The following KCNQ1 variants were observed in gnomAD, a reference collection of about 807,000 sequenced individuals.
KCNQ1 encodes potassium voltage-gated channel subfamily KQT member 1.
Under a neutral mutation model 72.4 loss-of-function variants are expected in KCNQ1, and 49 were observed. The observed-to-expected ratio is 0.68, with a 90% CI of 0.54 to 0.86. The LOEUF (loss-of-function observed/expected upper bound fraction) is 0.86. Among genes scored for constraint, KCNQ1 ranks in the 40% least tolerant of loss-of-function variants. KCNQ1 has a pLI of 0.00. For missense variants in KCNQ1, 790 were observed against 945.1 expected, an observed-to-expected ratio of 0.84 and a Z score of 2.15; for synonymous variants, 450 against 412.6, an observed-to-expected ratio of 1.09 and a Z score of -1.10.
chr11:2,721,469 G>C (rs1000245936), intron 11 of KCNQ1, among the ~76,000 whole-genome samples: 1 of 152,272 alleles, frequency 6.6e-6, no homozygotes, highest in African/African-American at 2.4e-5. Flanking sequence ...CAGCTCGCAA[G>C]AGGGGCAGGT....
At chr11:2,606,724 A>T (rs1418390823) in intron 10 of KCNQ1, among the ~76,000 whole-genome samples, 2 of 152,096 alleles carry the variant, frequency 1.3e-5, no homozygotes, top group Admixed American at 1.3e-4. Flanking sequence ...ATCTCCAAAT[A>T]GTTCTACTTC....
At chr11:2,791,005 C>T (rs1272180014) in intron 15 of KCNQ1, among the ~76,000 whole-genome samples, 1 of 152,230 alleles carries the variant, frequency 6.6e-6, no homozygotes, top group African/African-American at 2.4e-5. Flanking sequence ...TGGGGTGTTT[C>T]TCTCTTAGCC....
chr11:2,517,790 G>A (rs538403994), intron 1 of KCNQ1, among the ~76,000 whole-genome samples: 5 of 152,320 alleles, frequency 3.3e-5, no homozygotes, highest in African/African-American at 4.8e-5. Flanking sequence ...GCCTGCGCCC[G>A]CAGCTCACGT....
At chr11:2,733,828 T>TCA (rs1845901439) in intron 11 of KCNQ1, among the ~76,000 whole-genome samples, 8 of 29,432 alleles carry the variant, frequency 2.7e-4, no homozygotes, top group Admixed American at 1.1e-3. Context: ...TCTCACTCTC[T>TCA]CTCTCTCTCT....
At chr11:2,501,129 A>G (rs1001336148) in intron 1 of KCNQ1, among the ~76,000 whole-genome samples, 1 of 152,226 alleles carries the variant, frequency 6.6e-6, no homozygotes, top group African/African-American at 2.4e-5. Context: ...CTTAAAGAAC[A>G]AGAAAAGCAA....
At chr11:2,843,743 T>C (rs909924892) in intron 15 of KCNQ1, among the ~76,000 whole-genome samples, 1 of 152,276 alleles carries the variant, frequency 6.6e-6, no homozygotes, top group Admixed American at 6.5e-5. Flanking sequence ...GGAATCCCCG[T>C]TGCCTTGGGT....
chr11:2,844,106 G>A (rs1564914679), intron 15 of KCNQ1, among the ~76,000 whole-genome samples: 2 of 152,288 alleles, frequency 1.3e-5, no homozygotes, highest in Non-Finnish European at 1.5e-5. Flanking sequence ...CTCCTCCATC[G>A]CCAAAAAAAA....
chr11:2,832,652 C>G lies in KCNQ1; in HGVS notation c.1795-15115C>G, dbSNP rs1160341410. Among the ~76,000 whole-genome samples the G allele has an allele frequency of 2.6e-5, 4 of 152,306 alleles. No homozygotes were observed. In the East Asian group the frequency reaches 7.7e-4, roughly 29 times the overall value. ...GCAGGAAGCCCTCCTCAGGTCTGCC[C>G]GCCTCCCCGGAGCATGTTCCCTCTG... On this transcript the variant is annotated intron_variant, in intron 15 of 15. Coordinates refer to ENST00000155840, the MANE Select transcript of KCNQ1 (RefSeq NM_000218.3).
chr11:2,493,472 C>T lies in KCNQ1; in HGVS notation c.387-34456C>T, dbSNP rs182461400. Among the ~76,000 whole-genome samples the T allele has an allele frequency of 6.6e-6, 1 of 152,150 alleles. No individual in the cohort carries two copies. The highest frequency in any genetic ancestry group is 1.9e-4 in the East Asian group (1 of 5,176). On this transcript the variant is annotated intron_variant, in intron 1 of 15. Coordinates refer to ENST00000155840, the MANE Select transcript of KCNQ1 (RefSeq NM_000218.3). This position sits in a 1 kb window ranked among gnomAD's most constrained non-coding sequence, Gnocchi z 5.3. ...TTGCCTGGGTATTCTTCTAGGGTTT[C>T]CGTGGTTTTAGGTTTTACATTTAAG...
At chr11:2,633,409 C>G (rs1342269058) in intron 10 of KCNQ1, 2 of 398,244 alleles carry the variant, frequency 5.0e-6, no homozygotes, top group African/African-American at 4.1e-5. Flanking sequence ...GTTTTTGTTG[C>G]CTGTGCTTAT....
intron 6 of KCNQ1, among the ~76,000 whole-genome samples, chr11:2,583,136 G>A (rs988554948): frequency 9.2e-5 from 14 of 152,228 alleles, no homozygotes; most frequent in African/African-American, 3.1e-4. Context: ...TGAGGCAGCC[G>A]GTGTGGGGCG....
Position 2,549,049 on chromosome 11 carries a change from T to G in KCNQ1, c.477+21031T>G, listed in dbSNP as rs1847940842. Among the ~76,000 whole-genome samples, 1 of 152,166 alleles carries G rather than the reference T, an allele frequency of 6.6e-6. No homozygotes were observed. Among genetic ancestry groups the G allele is most frequent in the Non-Finnish European group, 1.5e-5 (1 of 68,034 alleles). On this transcript the variant is annotated intron_variant, in intron 2 of 15. Coordinates refer to ENST00000155840, the MANE Select transcript of KCNQ1 (RefSeq NM_000218.3). This position sits in a 1 kb window ranked among gnomAD's most constrained non-coding sequence, Gnocchi z 6.2. Reference sequence around the variant, plus strand: ...GACCTGGTTTCTTCATCCCAGGGGCTGTCTCCAGGGTGGGTTCTAGAGTAC... The same window carrying G: ...GACCTGGTTTCTTCATCCCAGGGGCGGTCTCCAGGGTGGGTTCTAGAGTAC...
In KCNQ1 at chr11:2,623,708, C is replaced by T. The variant is rs1408901832; in HGVS notation, c.1393+34854C>T. ...CTCGGTTGCTTCCAATTTCAACAAT[C>T]ACAAATAAAGCTTCTGTAAACATCT... On this transcript the variant is annotated intron_variant, in intron 10 of 15. Coordinates refer to ENST00000155840, the MANE Select transcript of KCNQ1 (RefSeq NM_000218.3). The surrounding 1 kb of genome is among the most constrained non-coding windows in gnomAD (Gnocchi z 5.2). 1 of 398,376 alleles carries T rather than the reference C, an allele frequency of 2.5e-6. No individual in the cohort carries two copies. The highest frequency in any genetic ancestry group is 4.4e-6 in the Non-Finnish European group (1 of 226,038). 24.7% of individuals were successfully genotyped at this position (398,376 alleles called of 1,614,324 possible). A position where few individuals can be genotyped will look rare whatever the true frequency, so the allele number is the denominator to read the frequency against.
chr11:2,558,569 C>T (rs1241678208), intron 2 of KCNQ1, among the ~76,000 whole-genome samples: 4 of 152,238 alleles, frequency 2.6e-5, no homozygotes, highest in East Asian at 3.9e-4. Flanking sequence ...GGCTGCTGCG[C>T]CCTGTGTCCG....
intron 6 of KCNQ1, among the ~76,000 whole-genome samples, chr11:2,582,473 A>C (rs988163103): frequency 1.3e-5 from 2 of 152,214 alleles, no homozygotes; most frequent in Non-Finnish European, 2.9e-5. Flanking sequence ...TGTGGTTCCC[A>C]GCTGGGGCAT....
chr11:2,445,408 A>T lies in KCNQ1; in HGVS notation c.310A>T (p.Thr104Ser). Reference protein sequence around the residue: ...YSTRRPVLARTHVQGRVYNFL... With the variant: ...YSTRRPVLARSHVQGRVYNFL... ...CACGCGCCGCCCGGTGTTGGCGCGC[A>T]CCCACGTCCAGGGCCGCGTCTACAA... Residue 104 changes from threonine (T) to serine (S), a missense_variant, in exon 1 of 16, where the codon ACC becomes TCC. Around this residue, in one of 5 missense-constraint regions of KCNQ1, gnomAD observed 294 missense variants for 323.3 expected, o/e 0.91. Transcript: ENST00000155840. 1 of 1,597,830 alleles carries T rather than the reference A, an allele frequency of 6.3e-7. No homozygotes were observed. The highest frequency in any genetic ancestry group is 8.5e-7 in the Non-Finnish European group (1 of 1,179,680).
intron 15 of KCNQ1, among the ~76,000 whole-genome samples, chr11:2,819,046 T>A (rs1344019500): frequency 2.0e-5 from 3 of 152,198 alleles, no homozygotes; most frequent in Non-Finnish European, 4.4e-5. Context: ...AGCTGGACAT[T>A]CTCCAGGGAG....
chr11:2,625,205 A>C, intron 10 of KCNQ1: 1 of 398,638 alleles, frequency 2.5e-6, no homozygotes, highest in Non-Finnish European at 4.4e-6. Flanking sequence ...ACAGTGCACA[A>C]GGATTCCAAT....
chr11:2,811,905 C>T (rs1162680216), intron 15 of KCNQ1, among the ~76,000 whole-genome samples: 2 of 152,170 alleles, frequency 1.3e-5, no homozygotes, highest in South Asian at 2.1e-4. Flanking sequence ...CCCGAGTGCC[C>T]GCCGCAGGAT....
Sources: gnomAD v4.1 joint callset for allele counts (sites outside exome capture counted in the v4.1 genomes callset) on GRCh38, gnomAD v4.1.1 for gene constraint, gnomAD v4.1.1 regional missense constraint, Gnocchi (gnomAD v3.1) non-coding constraint, MANE v1.5 for transcripts, NCBI Gene and HGNC (gene_info 2026-07-23, HGNC 2026-07-21) for gene names.